Variants in DNAH9 observed in about 807,000 individuals in gnomAD.
DNAH9 encodes dynein axonemal heavy chain 9.
DNAH9 carries 345 observed loss-of-function variants against 471.6 expected under a neutral mutation model. The observed-to-expected ratio is 0.73, with a 90% CI of 0.67 to 0.80. The LOEUF (loss-of-function observed/expected upper bound fraction) is 0.80, where lower values mean the gene tolerates loss of function less well. Ranked by LOEUF, DNAH9 falls within the 30% of genes least tolerant of loss-of-function variation. DNAH9 has a pLI of 0.00. For missense variants in DNAH9, 5,407 were observed against 5,609.2 expected, an observed-to-expected ratio of 0.96 and a Z score of 1.15; for synonymous variants, 2,093 against 2,123.6, an observed-to-expected ratio of 0.99 and a Z score of 0.40.
In DNAH9 at chr17:11,629,482, GA is replaced by G; in HGVS notation, c.1418del (p.Asn473MetfsTer3). 6.2e-7 allele frequency: 1 copy of G among 1,613,846 alleles called. No individual in the cohort carries two copies. The highest frequency in any genetic ancestry group is 8.5e-7 in the Non-Finnish European group (1 of 1,179,730). ...GKVEFSGVRGNALSQQVQQMH... is the reference protein window; with the variant it reads ...GKVEFSGVRGXALSQQVQQMH... ...AGGTGGAGTTCAGCGGCGTCAGAGG[GA>G]ATGCTCTGAGTCAGCAGGTCCAGCA... On this transcript the variant is annotated frameshift_variant, in exon 7 of 69. Transcript: ENST00000262442. LOFTEE classifies it high-confidence loss of function.
At chr17:11,714,544 AC>A (rs1474562439) in intron 26 of DNAH9, among the ~76,000 whole-genome samples, 3 of 152,080 alleles carry the variant, frequency 2.0e-5, no homozygotes, top group Admixed American at 6.5e-5. Flanking sequence ...ATCTCTAAGG[AC>A]CCTCACCCTT....
intron 1 of DNAH9, among the ~76,000 whole-genome samples, chr17:11,607,619 G>T (rs190168771): frequency 6.6e-6 from 1 of 152,060 alleles, no homozygotes; most frequent in Admixed American, 6.5e-5. Flanking sequence ...GCCCAGGCTG[G>T]AGTGCAGTGG....
In DNAH9 at chr17:11,937,562, C is replaced by A; in HGVS notation, c.12660+40C>A. 7.0e-6 allele frequency: 11 copies of A among 1,567,114 alleles called. No homozygotes were observed. The highest frequency in any genetic ancestry group is 9.5e-6 in the Non-Finnish European group (11 of 1,153,246). On this transcript the variant is annotated intron_variant, in intron 66 of 68. Coordinates refer to ENST00000262442, the MANE Select transcript of DNAH9 (RefSeq NM_001372.4). This position sits in a 1 kb window ranked among gnomAD's most constrained non-coding sequence, Gnocchi z 4.1. ...GACTGCCTGAGGTCGTTCTGGGGGA[C>A]CCCGAGGATCATAGATGCACACCTT...
chr17:11,919,510 A>G (rs1400185007), intron 61 of DNAH9, among the ~76,000 whole-genome samples: 2 of 151,562 alleles, frequency 1.3e-5, no homozygotes, highest in African/African-American at 2.4e-5. Context: ...AAAAAGAAAA[A>G]AAAAAAAAAA....
intron 65 of DNAH9, among the ~76,000 whole-genome samples, chr17:11,936,707 A>T (rs1974725121): frequency 6.6e-6 from 1 of 152,210 alleles, no homozygotes; most frequent in African/African-American, 2.4e-5. Flanking sequence ...ATTTTTAGGC[A>T]TTAGGCATGG....
In DNAH9 at chr17:11,961,853, T is replaced by C. The variant is rs200824633; in HGVS notation, c.12844-14T>C. 2.0e-5 allele frequency: 32 copies of C among 1,583,884 alleles called. No homozygotes were observed. In the East Asian group the frequency reaches 7.2e-4, roughly 36 times the overall value. On this transcript the variant is annotated splice_polypyrimidine_tract_variant and intron_variant, in intron 67 of 68. Transcript: ENST00000262442. Reference sequence around the variant, plus strand: ...ACCTTCTCACGCTTTCCCCCTCCCATTCTTTATCTTCAGGGGGAGCTGACT... The same window carrying C: ...ACCTTCTCACGCTTTCCCCCTCCCACTCTTTATCTTCAGGGGGAGCTGACT...
intron 23 of DNAH9, 138 bp downstream of exon 23, chr17:11,700,021 CTTT>C: frequency 1.2e-6 from 1 of 808,450 alleles, no homozygotes; most frequent in South Asian, 1.8e-5. Context: ...GAGCCAGCTT[CTTT>C]GACTTGAACT....
intron 38 of DNAH9, among the ~76,000 whole-genome samples, chr17:11,770,844 A>G (rs1460476716): frequency 6.6e-6 from 1 of 152,228 alleles, no homozygotes; most frequent in African/African-American, 2.4e-5. Flanking sequence ...ACAAGTCTAC[A>G]AAACAAATCA....
rs2074418861 is a variant in DNAH9 at position 11,694,747 on chromosome 17, T to TC, written c.4872+301dup. Among the ~76,000 whole-genome samples, 2 of 4,918 alleles carry TC rather than the reference T, an allele frequency of 4.1e-4. 1 individual carries two copies. The highest frequency in any genetic ancestry group is 7.3e-4 in the African/African-American group (2 of 2,730). The allele number at this position is 4,918 out of a possible 152,430, so 3.2% of individuals were successfully genotyped here. On this transcript the variant is annotated intron_variant, in intron 22 of 68. Transcript: ENST00000262442. ...CTCTCTTTCTCTTTCTTTCTTTCTT[T>TC]CTTTCCTTCCTTCCTTCCTTCCTTC... is the stretch of plus-strand genomic sequence containing the variant.
At chr17:11,763,762 C>T in intron 36 of DNAH9, 148 bp downstream of exon 36, 1 of 767,812 alleles carries the variant, frequency 1.3e-6, no homozygotes, top group Non-Finnish European at 2.1e-6. Context: ...TATTACTCTG[C>T]TAAAGACATC....
At chr17:11,843,863 G>GTGTGTGTATATATA (rs1253794533) in intron 49 of DNAH9, among the ~76,000 whole-genome samples, 56 of 46,470 alleles carry the variant, frequency 1.2e-3, no homozygotes, top group African/African-American at 3.2e-3. Flanking sequence ...GTGTGTGTGT[G>GTGTGTGTATATATA]TATATATATA....
chr17:11,647,245 T>C, intron 12 of DNAH9, 47 bp downstream of exon 12: 1 of 1,571,392 alleles, frequency 6.4e-7, no homozygotes, highest in East Asian at 2.2e-5. Flanking sequence ...GAAGAGTTTC[T>C]TTGAACTCTG....
chr17:11,810,169 T>C, intron 44 of DNAH9, 77 bp from the exon 45 acceptor site: 1 of 1,500,050 alleles, frequency 6.7e-7, no homozygotes, highest in Admixed American at 2.3e-5. Flanking sequence ...AACGGTTCCA[T>C]TTCTAAAGAA....
At chr17:11,769,897 T>C (rs984292888) in intron 38 of DNAH9, among the ~76,000 whole-genome samples, 1 of 152,216 alleles carries the variant, frequency 6.6e-6, no homozygotes, top group African/African-American at 2.4e-5. Context: ...AGAGTCTCTC[T>C]CCCCTTAACT....
intron 49 of DNAH9, among the ~76,000 whole-genome samples, chr17:11,841,116 C>T (rs982666572): frequency 2.0e-5 from 3 of 152,206 alleles, no homozygotes; most frequent in Admixed American, 1.3e-4. Context: ...TTTTTAGTCA[C>T]TTCAGTTTTA....
At position 11,929,918 on chromosome 17, in the gene DNAH9, A is replaced by C. The variant is rs757827269; in HGVS notation, c.11930A>C (p.Glu3977Ala). 1.2e-6 allele frequency: 2 copies of C among 1,614,016 alleles called. No individual in the cohort carries two copies. ...WLSTLEKKLE[E>A]HSENSHPEFR... ...AGCACCCTGGAGAAGAAGCTGGAGG[A>C]GCACAGTGAGAACAGCCACCCAGAG... is the stretch of plus-strand genomic sequence containing the variant. Residue 3977 changes from glutamate to alanine, a missense_variant, in exon 63 of 69, where the codon GAG becomes GCG. Glu to Ala is a moderately radical substitution (Grantham distance 107, BLOSUM62 -1). Around this residue, in one of 3 missense-constraint regions of DNAH9, gnomAD observed 4,636 missense variants for 4,900.3 expected, o/e 0.95. Transcript: ENST00000262442.
At chr17:11,664,638 G>A (rs189663355) in intron 14 of DNAH9, among the ~76,000 whole-genome samples, 195 bp from the exon 15 acceptor site, 103 of 152,268 alleles carry the variant, frequency 6.8e-4, no homozygotes, top group African/African-American at 2.2e-3. Context: ...CTATATTACC[G>A]TCATGGACTA....
At chr17:11,807,593 C>A in intron 43 of DNAH9, 139 bp from the exon 44 acceptor site, 1 of 922,048 alleles carries the variant, frequency 1.1e-6, no homozygotes, top group Non-Finnish European at 1.6e-6. Flanking sequence ...GGTTTAGGGA[C>A]AATCTAATAA....
chr17:11,621,909 G>A (rs577628483), intron 6 of DNAH9, among the ~76,000 whole-genome samples: 15 of 118,108 alleles, frequency 1.3e-4, no homozygotes, highest in Non-Finnish European at 2.1e-4. Flanking sequence ...GTGAAACCCC[G>A]TCTCTACTAA....
Sources: gnomAD v4.1 joint callset for allele counts (sites outside exome capture counted in the v4.1 genomes callset) on GRCh38, gnomAD v4.1.1 for gene constraint, gnomAD v4.1.1 regional missense constraint, Gnocchi (gnomAD v3.1) non-coding constraint, MANE v1.5 for transcripts, NCBI Gene and HGNC (gene_info 2026-07-23, HGNC 2026-07-21) for gene names.